CBLL2: variants seen among roughly 807,000 people sequenced by gnomAD.
CBLL2 encodes Cbl proto-oncogene like 2.
For synonymous variants in CBLL2, 123 were observed against 124.9 expected (o/e 0.98, Z 0.10); for missense variants, 347 against 343.2 (o/e 1.01, Z -0.09).
In CBLL2 at chrX:22,273,595, A is replaced by T; in HGVS notation, c.604A>T (p.Asn202Tyr). ...GCAACATATGCTACAAGAGCAACAT[A>T]ATCAGCCACATAAGGATATCCAGGC... The part of the protein sequence containing the change: ...SVQHMLQEQH[N>Y]QPHKDIQAPP... Residue 202 changes from asparagine (N) to tyrosine (Y), a missense_variant, in exon 1 of 1, where the codon AAT (asparagine) becomes TAT (tyrosine). Coordinates refer to ENST00000323684, the MANE Select transcript of CBLL2 (RefSeq NM_152577.4). 6 of 1,211,376 alleles carry T rather than the reference A, an allele frequency of 5.0e-6. No homozygotes were observed. Among genetic ancestry groups the T allele is most frequent in the Non-Finnish European group, 6.7e-6 (6 of 895,377 alleles).
chrX:22,273,398 G>A lies in CBLL2; in HGVS notation c.407G>A (p.Arg136His), dbSNP rs1351099954. The change falls in exon 1 of 1, where the codon CGC (arginine) becomes CAC (histidine). Residue 136 changes from arginine (R) to histidine (H), a missense_variant. Arg to His is a conservative substitution (Grantham distance 29). Transcript: ENST00000323684. ...AAAAGCTTACAGGCTCATATCAAAC[G>A]CCGCCATAAGAGAGCTCGAAAACAA... ...SQKSLQAHIK[R>H]RHKRARKQVT... 2 of 1,209,713 alleles carry A rather than the reference G, an allele frequency of 1.7e-6. No homozygotes were observed. Among genetic ancestry groups the A allele is most frequent in the African/African-American group, 3.5e-5 (2 of 56,970 alleles).
In CBLL2 at chrX:22,273,288, T is replaced by C. The variant is rs1222276086; in HGVS notation, c.297T>C (p.Pro99=). 2 of 1,212,183 alleles carry C rather than the reference T, an allele frequency of 1.6e-6. No individual in the cohort carries two copies. The highest frequency in any genetic ancestry group is 1.8e-5 in the South Asian group (1 of 57,008). ...AAGTATGTCCGCGCTGTCGTTATCC[T>C]GTGCTGAGAATTGAGGCGCATAAAC... ...GYKVCPRCRY[P]VLRIEAHKRG... Residue 99 remains proline, a synonymous_variant, in exon 1 of 1, where the codon CCT becomes CCC. Transcript: ENST00000323684.
At position 22,273,628 on chromosome X, in the gene CBLL2, C is replaced by T. The variant is rs1239511357; in HGVS notation, c.637C>T (p.Pro213Ser). Residue 213 changes from proline to serine, a missense_variant, in exon 1 of 1, where the codon CCA becomes TCA. Physicochemically the swap from Pro to Ser is moderately conservative, Grantham distance 74. Coordinates refer to ENST00000323684, the MANE Select transcript of CBLL2 (RefSeq NM_152577.4). The part of the protein sequence containing the change: ...QPHKDIQAPP[P>S]ELSLSLPFPI... Reference sequence around the variant, plus strand: ...ACATAAGGATATCCAGGCTCCTCCCCCAGAACTATCTCTAAGTCTGCCTTT... The same window carrying T: ...ACATAAGGATATCCAGGCTCCTCCCTCAGAACTATCTCTAAGTCTGCCTTT... 7.4e-6 allele frequency: 9 copies of T among 1,211,532 alleles called. No individual in the cohort carries two copies. The highest frequency in any genetic ancestry group is 1.0e-5 in the Non-Finnish European group (9 of 895,502).
chrX:22,273,729 C>T lies in CBLL2; in HGVS notation c.738C>T (p.Asn246=). 2 of 1,211,522 alleles carry T rather than the reference C, an allele frequency of 1.7e-6. No homozygotes were observed. The highest frequency in any genetic ancestry group is 1.1e-6 in the Non-Finnish European group (1 of 895,366). The change falls in exon 1 of 1, where the codon AAC becomes AAT. Residue 246 remains asparagine (N), a synonymous_variant. Coordinates refer to ENST00000323684, the MANE Select transcript of CBLL2 (RefSeq NM_152577.4). ...TAACAGTTGATCATATTCAGAATAA[C>T]TCAGATTCTGGTGCTAAGAAGCCAA... The part of the protein sequence containing the change: ...GNLTVDHIQN[N]SDSGAKKPTP...
In CBLL2 at chrX:22,273,795, G is replaced by A. The variant is rs763632908; in HGVS notation, c.804G>A (p.Ala268=). The A allele has an allele frequency of 3.3e-6, 4 of 1,208,771 alleles. 1 individual carries two copies. The highest frequency in any genetic ancestry group is 3.5e-5 in the South Asian group (2 of 56,695). Residue 268 remains alanine, a synonymous_variant, in exon 1 of 1, where the codon GCG becomes GCA. Transcript: ENST00000323684. Reference sequence around the variant, plus strand: ...ATCCTGAGTGTCAAAGTCAACCAGCGGTATCGTCCCCTCATCATATTATAC... The same window carrying A: ...ATCCTGAGTGTCAAAGTCAACCAGCAGTATCGTCCCCTCATCATATTATAC... ...DYYPECQSQP[A]VSSPHHIIPQ... is the part of the protein sequence containing the mutation.
In CBLL2 at chrX:22,273,840, G is replaced by A; in HGVS notation, c.849G>A (p.Ala283=). 2 of 1,210,673 alleles carry A rather than the reference G, an allele frequency of 1.7e-6. No individual in the cohort carries two copies. Among genetic ancestry groups the A allele is most frequent in the Non-Finnish European group, 2.2e-6 (2 of 895,230 alleles). Residue 283 remains alanine (A), a synonymous_variant, in exon 1 of 1, where the codon GCG becomes GCA. Coordinates refer to ENST00000323684, the MANE Select transcript of CBLL2 (RefSeq NM_152577.4). ...TTATACCTCAGAAACAGCATTATGCGCCACCTCCATCTCCATCATCACCAG... is the reference window on the plus strand; with the variant it reads ...TTATACCTCAGAAACAGCATTATGCACCACCTCCATCTCCATCATCACCAG... ...HHIIPQKQHY[A]PPPSPSSPVN...
At position 22,274,175 on chromosome X, in the gene CBLL2, G is replaced by A; in HGVS notation, c.1184G>A (p.Arg395Gln). The A allele has an allele frequency of 8.3e-7, 1 of 1,211,794 alleles. No homozygotes were observed. The highest frequency in any genetic ancestry group is 1.7e-5 in the African/African-American group (1 of 57,813). Residue 395 changes from arginine to glutamine, a missense_variant, in exon 1 of 1, where the codon CGA becomes CAA. Physicochemically the swap from Arg to Gln is conservative, Grantham distance 43. Transcript: ENST00000323684. ...CATAGAAGGTGGCCTGCATGGAAAC[G>A]ACTGTCACCTTGTCCACCAACGCGG... is the stretch of plus-strand genomic sequence containing the variant. ...MDHRRWPAWK[R>Q]LSPCPPTRSP...
Position 22,273,998 on chromosome X carries a change from A to T in CBLL2, c.1007A>T (p.Asn336Ile), listed in dbSNP as rs1240539869. The part of the protein sequence containing the change: ...YIIVKVPPDM[N>I]SPPLRAPQSQ... Reference sequence around the variant, plus strand: ...ATTGTAAAGGTGCCACCTGATATGAATTCTCCTCCACTACGTGCTCCCCAG... The same window carrying T: ...ATTGTAAAGGTGCCACCTGATATGATTTCTCCTCCACTACGTGCTCCCCAG... Residue 336 changes from asparagine to isoleucine, a missense_variant, in exon 1 of 1, where the codon AAT becomes ATT. Coordinates refer to ENST00000323684, the MANE Select transcript of CBLL2 (RefSeq NM_152577.4). 2 of 1,209,577 alleles carry T rather than the reference A, an allele frequency of 1.7e-6. No individual in the cohort carries two copies. Among genetic ancestry groups the T allele is most frequent in the African/African-American group, 1.8e-5 (1 of 56,972 alleles).
chrX:22,274,039 C>A lies in CBLL2; in HGVS notation c.1048C>A (p.Pro350Thr). The change falls in exon 1 of 1, where the codon CCA becomes ACA. Residue 350 changes from proline to threonine, a missense_variant. Coordinates refer to ENST00000323684, the MANE Select transcript of CBLL2 (RefSeq NM_152577.4). The part of the protein sequence containing the change: ...LRAPQSQNGN[P>T]SASEFASHHY... ...TGCTCCCCAGTCTCAAAATGGTAAT[C>A]CATCTGCAAGTGAATTTGCTTCTCA... 5.0e-6 allele frequency: 6 copies of A among 1,211,380 alleles called. No homozygotes were observed. The highest frequency in any genetic ancestry group is 6.7e-6 in the Non-Finnish European group (6 of 895,212).
Position 22,274,068 on chromosome X carries a change from T to C in CBLL2, c.1077T>C (p.His359=). 8.3e-7 allele frequency: 1 copy of C among 1,211,753 alleles called. No individual in the cohort carries two copies. Among genetic ancestry groups the C allele is most frequent in the East Asian group, 3.0e-5 (1 of 33,837 alleles). Residue 359 remains histidine (H), a synonymous_variant, in exon 1 of 1, where the codon CAT becomes CAC. Coordinates refer to ENST00000323684, the MANE Select transcript of CBLL2 (RefSeq NM_152577.4). ...CTGCAAGTGAATTTGCTTCTCACCA[T>C]TATAACCTTAACATTTTACCTCAGT... ...NPSASEFASH[H]YNLNILPQFT... is the part of the protein sequence containing the mutation.
rs1156419856 is a variant in CBLL2 at position 22,273,265 on chromosome X, G to A, written c.274G>A (p.Val92Ile). 13 of 1,209,946 alleles carry A rather than the reference G, an allele frequency of 1.1e-5. No individual in the cohort carries two copies. The highest frequency in any genetic ancestry group is 1.5e-5 in the Non-Finnish European group (13 of 895,247). ...TTTATATGACAAAGTCGGATATAAA[G>A]TATGTCCGCGCTGTCGTTATCCTGT... ...ANLYDKVGYK[V>I]CPRCRYPVLR... Residue 92 changes from valine (V) to isoleucine (I), a missense_variant, in exon 1 of 1, where the codon GTA becomes ATA. Physicochemically the swap from Val to Ile is conservative, Grantham distance 29. Coordinates refer to ENST00000323684, the MANE Select transcript of CBLL2 (RefSeq NM_152577.4).
In CBLL2 at chrX:22,273,273, G is replaced by A. The variant is rs148712606; in HGVS notation, c.282G>A (p.Pro94=). 22 of 1,209,847 alleles carry A rather than the reference G, an allele frequency of 1.8e-5. 1 individual carries two copies. The highest frequency in any genetic ancestry group is 5.3e-5 in the South Asian group (3 of 56,780). The stretch of plus-strand genomic sequence containing the variant: ...ACAAAGTCGGATATAAAGTATGTCC[G>A]CGCTGTCGTTATCCTGTGCTGAGAA... The part of the protein sequence containing the change: ...LYDKVGYKVC[P]RCRYPVLRIE... The change falls in exon 1 of 1, where the codon CCG becomes CCA. Residue 94 remains proline (P), a synonymous_variant. Coordinates refer to ENST00000323684, the MANE Select transcript of CBLL2 (RefSeq NM_152577.4).
Position 22,273,025 on chromosome X carries a change from G to A in CBLL2, c.34G>A (p.Glu12Lys). ...GATGCCTGCTGGTGAACAAGAATGT[G>A]AATATAACAAAGAAGGGAAGTACTA... ...NKMPAGEQEC[E>K]YNKEGKYYSK... The change falls in exon 1 of 1, where the codon GAA becomes AAA. Residue 12 changes from glutamate to lysine, a missense_variant. Glu to Lys is a moderately conservative substitution (Grantham distance 56). Coordinates refer to ENST00000323684, the MANE Select transcript of CBLL2 (RefSeq NM_152577.4). The A allele has an allele frequency of 1.7e-6, 2 of 1,196,362 alleles. No individual in the cohort carries two copies. Among genetic ancestry groups the A allele is most frequent in the Non-Finnish European group, 2.2e-6 (2 of 889,661 alleles).
Position 22,273,407 on chromosome X carries a change from A to G in CBLL2, c.416A>G (p.Lys139Arg). 1 of 1,211,870 alleles carries G rather than the reference A, an allele frequency of 8.3e-7. No individual in the cohort carries two copies. The change falls in exon 1 of 1, where the codon AAG (lysine) becomes AGG (arginine). Residue 139 changes from lysine (K) to arginine (R), a missense_variant. Transcript: ENST00000323684. ...SLQAHIKRRH[K>R]RARKQVTSAS... ...CAGGCTCATATCAAACGCCGCCATA[A>G]GAGAGCTCGAAAACAAGTTACCAGC...
chrX:22,273,266 T>C lies in CBLL2; in HGVS notation c.275T>C (p.Val92Ala). The change falls in exon 1 of 1, where the codon GTA (valine) becomes GCA (alanine). Residue 92 changes from valine (V) to alanine (A), a missense_variant. Val to Ala is a moderately conservative substitution (Grantham distance 64). Coordinates refer to ENST00000323684, the MANE Select transcript of CBLL2 (RefSeq NM_152577.4). ...ANLYDKVGYK[V>A]CPRCRYPVLR... ...TTATATGACAAAGTCGGATATAAAG[T>C]ATGTCCGCGCTGTCGTTATCCTGTG... The C allele has an allele frequency of 8.3e-7, 1 of 1,211,863 alleles. No homozygotes were observed. Among genetic ancestry groups the C allele is most frequent in the South Asian group, 1.8e-5 (1 of 56,966 alleles).
At position 22,274,222 on chromosome X, in the gene CBLL2, C is replaced by T. The variant is rs375566609; in HGVS notation, c.1231C>T (p.His411Tyr). Residue 411 changes from histidine to tyrosine, a missense_variant, in exon 1 of 1, where the codon CAT becomes TAT. By Grantham distance (83) the His-to-Tyr change is moderately conservative. Transcript: ENST00000323684. ...GCGGAGTCCACCTCCTTCAACCCTACATGGTCGATCACATCATTCACACCA... is the reference window on the plus strand; with the variant it reads ...GCGGAGTCCACCTCCTTCAACCCTATATGGTCGATCACATCATTCACACCA... ...PTRSPPPSTL[H>Y]GRSHHSHQRR... 2 of 1,211,261 alleles carry T rather than the reference C, an allele frequency of 1.7e-6. No homozygotes were observed. Among genetic ancestry groups the T allele is most frequent in the Non-Finnish European group, 2.2e-6 (2 of 895,297 alleles).
rs769320288 is a variant in CBLL2 at position 22,273,438 on chromosome X, G to A, written c.447G>A (p.Ser149=). The change falls in exon 1 of 1, where the codon TCG becomes TCA. Residue 149 remains serine, a synonymous_variant. Coordinates refer to ENST00000323684, the MANE Select transcript of CBLL2 (RefSeq NM_152577.4). ...KRARKQVTSA[S]LEKVRPHIAP... ...CTCGAAAACAAGTTACCAGCGCTTC[G>A]CTTGAAAAAGTTCGTCCTCATATTG... 5.0e-6 allele frequency: 6 copies of A among 1,209,578 alleles called. No individual in the cohort carries two copies. The Admixed American group carries it at 1.1e-4, about 22-fold the overall frequency.
chrX:22,274,116 G>A lies in CBLL2; in HGVS notation c.1125G>A (p.Leu375=). ...LPQFTENQET[L]SPQFTQTDAM... is the part of the protein sequence containing the mutation. ...AGTTCACCGAAAATCAAGAAACCTTGAGCCCTCAGTTTACACAAACAGATG... is the reference window on the plus strand; with the variant it reads ...AGTTCACCGAAAATCAAGAAACCTTAAGCCCTCAGTTTACACAAACAGATG... Residue 375 remains leucine, a synonymous_variant, in exon 1 of 1, where the codon TTG becomes TTA. Transcript: ENST00000323684. 8.3e-7 allele frequency: 1 copy of A among 1,211,587 alleles called. No individual in the cohort carries two copies. The highest frequency in any genetic ancestry group is 1.1e-6 in the Non-Finnish European group (1 of 895,545).
Position 22,274,329 on chromosome X carries a change from C to A in CBLL2, c.*60C>A. Reference sequence around the variant, plus strand: ...GGGAAAAAAACCTTCAAGTTCTATACTGTACTGTGGATAAGCGGCTCAGTT... The same window carrying A: ...GGGAAAAAAACCTTCAAGTTCTATAATGTACTGTGGATAAGCGGCTCAGTT... On this transcript the variant is annotated 3_prime_UTR_variant, in exon 1 of 1. Coordinates refer to ENST00000323684, the MANE Select transcript of CBLL2 (RefSeq NM_152577.4). 1 of 1,044,681 alleles carries A rather than the reference C, an allele frequency of 9.6e-7. No homozygotes were observed. The allele number at this position is 1,044,681 out of a possible 1,213,427, so 86.1% of individuals were successfully genotyped here.
Sources: allele counts gnomAD v4.1 joint callset, GRCh38; gene constraint gnomAD v4.1.1; transcripts MANE v1.5; gene names NCBI Gene and HGNC (gene_info 2026-07-23, HGNC 2026-07-21).